The following CHSY1 variants were observed in gnomAD, a reference collection of about 807,000 sequenced individuals.
The protein encoded by CHSY1 is N-acetylgalactosaminyl-proteoglycan 3-beta-glucuronosyltransferase 1.
A neutral mutation model predicts 59.8 loss-of-function variants in CHSY1; 13 were observed. The ratio of observed to expected loss-of-function variants is 0.22; its 90% CI spans 0.14 to 0.35. The LOEUF is 0.35. CHSY1 is among the 10% of genes least tolerant of loss of function. The pLI, the probability that CHSY1 is intolerant of heterozygous loss-of-function variation, is 1.00. For missense variants in CHSY1, 947 were observed against 1,030.6 expected, an observed-to-expected ratio of 0.92 and a Z score of 1.11; for synonymous variants, 459 against 401.2, an observed-to-expected ratio of 1.14 and a Z score of -1.72.
At chr15:101,203,538 A>T (rs1247653021) in intron 2 of CHSY1, among the ~76,000 whole-genome samples, 3 of 152,236 alleles carry the variant, frequency 2.0e-5, no homozygotes, top group African/African-American at 7.2e-5. Context: ...TCAAGTAAAA[A>T]TTAGTGGATG....
At chr15:101,238,981 C>T (rs1270015172) in intron 1 of CHSY1, among the ~76,000 whole-genome samples, 1 of 152,132 alleles carries the variant, frequency 6.6e-6, no homozygotes, top group Admixed American at 6.5e-5. Context: ...TCTTCTGATG[C>T]GGTGACATAT....
chr15:101,211,206 C>T (rs1181971670), intron 2 of CHSY1, among the ~76,000 whole-genome samples: 1 of 152,158 alleles, frequency 6.6e-6, no homozygotes, highest in Non-Finnish European at 1.5e-5. Context: ...CACCTCTAAT[C>T]CCAGCTACCT....
intron 2 of CHSY1, among the ~76,000 whole-genome samples, chr15:101,204,421 C>A (rs901631721): frequency 7.1e-6 from 1 of 141,360 alleles, no homozygotes; most frequent in Non-Finnish European, 1.5e-5. Context: ...GCAGTAAGAG[C>A]GAAACTCCAT....
At position 101,177,634 on chromosome 15, in the gene CHSY1, C is replaced by G; in HGVS notation, c.2163G>C (p.Val721=). 1 of 1,614,174 alleles carries G rather than the reference C, an allele frequency of 6.2e-7. No individual in the cohort carries two copies. Among genetic ancestry groups the G allele is most frequent in the South Asian group, 1.1e-5 (1 of 91,082 alleles). Residue 721 remains valine, a synonymous_variant, in exon 3 of 3, where the codon GTG becomes GTC. Transcript: ENST00000254190. ...VSIQGWGLED[V]DLFNKVVQAG... ...CCTGGACAACCTTGTTGAAAAGGTC[C>G]ACATCCTCCAGCCCCCAGCCTTGGA...
Position 101,238,571 on chromosome 15 carries a change from A to C in CHSY1, c.321-2994T>G, listed in dbSNP as rs377740293. Among the ~76,000 whole-genome samples, 49 of 152,330 alleles carry C rather than the reference A, an allele frequency of 3.2e-4. No individual in the cohort carries two copies. In the East Asian group the frequency reaches 7.9e-3, roughly 25 times the overall value. ...ATCAACAAATTTAAAAAATACTGCC[A>C]ATCATAATCCCATGACGCCGGTAAC... On this transcript the variant is annotated intron_variant, in intron 1 of 2. Transcript: ENST00000254190.
chr15:101,176,522 G>A lies in CHSY1; in HGVS notation c.*866C>T, dbSNP rs74040363. 3.8e-3 allele frequency: 1,504 copies of A among 397,454 alleles called. 21 individuals are homozygous for A. Among genetic ancestry groups the A allele is most frequent in the African/African-American group, 0.028 (1,361 of 48,714 alleles). 24.6% of individuals were successfully genotyped at this position (397,454 alleles called of 1,614,324 possible). A position where few individuals can be genotyped will look rare whatever the true frequency, so the allele number is the denominator to read the frequency against. On this transcript the variant is annotated 3_prime_UTR_variant, in exon 3 of 3. Transcript: ENST00000254190. ...ATTTAATGCCAGGTCTATTTAGGCC[G>A]AATGAACTACCACGAGAACAGCCAC...
At chr15:101,244,160 T>C (rs1333217014) in intron 1 of CHSY1, among the ~76,000 whole-genome samples, 1 of 152,200 alleles carries the variant, frequency 6.6e-6, no homozygotes, top group African/African-American at 2.4e-5. Context: ...AAACTGTAGC[T>C]AGGTTTTCTT....
intron 2 of CHSY1, among the ~76,000 whole-genome samples, chr15:101,183,982 T>C (rs2038317093): frequency 6.6e-6 from 1 of 152,244 alleles, no homozygotes; most frequent in Non-Finnish European, 1.5e-5. Context: ...AGAGAAAATA[T>C]ATACTACTCT....
chr15:101,222,910 G>C (rs1567101458), intron 2 of CHSY1, among the ~76,000 whole-genome samples: 2 of 152,162 alleles, frequency 1.3e-5, no homozygotes, highest in African/African-American at 4.8e-5. Flanking sequence ...GTCAAGAGGA[G>C]GGAAATTAAG....
intron 2 of CHSY1, among the ~76,000 whole-genome samples, chr15:101,184,252 A>C (rs1282339789): frequency 6.6e-6 from 1 of 152,252 alleles, no homozygotes; most frequent in Non-Finnish European, 1.5e-5. Flanking sequence ...AACATGGAGA[A>C]AAGTATTGAC....
chr15:101,218,674 G>T (rs552648639), intron 2 of CHSY1, among the ~76,000 whole-genome samples: 6 of 152,246 alleles, frequency 3.9e-5, no homozygotes, highest in Non-Finnish European at 5.9e-5. Context: ...GCTGAGGTGG[G>T]AGATTGTTTG....
At chr15:101,245,347 T>C (rs1277737846) in intron 1 of CHSY1, among the ~76,000 whole-genome samples, 1 of 151,080 alleles carries the variant, frequency 6.6e-6, no homozygotes, top group Non-Finnish European at 1.5e-5. Context: ...CCTCTTCATC[T>C]TCCAAGACTC....
chr15:101,234,585 A>G (rs1228103314), intron 2 of CHSY1, among the ~76,000 whole-genome samples: 5 of 152,232 alleles, frequency 3.3e-5, no homozygotes, highest in Non-Finnish European at 1.5e-5. Flanking sequence ...AAAGTATGGA[A>G]GAGCCGGGCG....
chr15:101,176,353 C>G lies in CHSY1; in HGVS notation c.*1035G>C, dbSNP rs1485553713. The stretch of plus-strand genomic sequence containing the variant: ...CAAAACCAAATACATTTTTCCCCAA[C>G]GTTTTGATTAGGGTGTATGTGTGTA... On this transcript the variant is annotated 3_prime_UTR_variant, in exon 3 of 3. Transcript: ENST00000254190. 1 of 398,436 alleles carries G rather than the reference C, an allele frequency of 2.5e-6. No homozygotes were observed. Among genetic ancestry groups the G allele is most frequent in the African/African-American group, 2.1e-5 (1 of 48,612 alleles). 24.7% of individuals were successfully genotyped at this position (398,436 alleles called of 1,614,324 possible). A position where few individuals can be genotyped will look rare whatever the true frequency, so the allele number is the denominator to read the frequency against.
chr15:101,237,235 A>AC (rs1254225303), intron 1 of CHSY1, among the ~76,000 whole-genome samples: 1 of 151,190 alleles, frequency 6.6e-6, no homozygotes, highest in Non-Finnish European at 1.5e-5. Context: ...AAAAAAAAAA[A>AC]AAAAAAAAAA....
Position 101,178,568 on chromosome 15 carries a change from A to T in CHSY1, c.1229T>A (p.Met410Lys). The stretch of plus-strand genomic sequence containing the variant: ...GGCATTGATCATCTCCATGACCTGC[A>T]TGACAATGTCGTCCAAGGCTTCCCT... The part of the protein sequence containing the change: ...AQREALDDIV[M>K]QVMEMINANA... The change falls in exon 3 of 3, where the codon ATG becomes AAG. Residue 410 changes from methionine to lysine, a missense_variant. Met to Lys is a moderately conservative substitution (Grantham distance 95). Around this residue, in one of 4 missense-constraint regions of CHSY1, gnomAD observed 602 missense variants for 676.9 expected, o/e 0.89. Transcript: ENST00000254190. The T allele has an allele frequency of 6.2e-7, 1 of 1,614,212 alleles. No individual in the cohort carries two copies. Among genetic ancestry groups the T allele is most frequent in the South Asian group, 1.1e-5 (1 of 91,082 alleles).
chr15:101,249,214 G>A (rs961652819), intron 1 of CHSY1, among the ~76,000 whole-genome samples: 2 of 151,888 alleles, frequency 1.3e-5, no homozygotes, highest in Non-Finnish European at 2.9e-5. Flanking sequence ...GGGAGATAAG[G>A]GAGTTACCTA....
At chr15:101,245,898 T>A (rs1243789812) in intron 1 of CHSY1, among the ~76,000 whole-genome samples, 1 of 152,238 alleles carries the variant, frequency 6.6e-6, no homozygotes, top group African/African-American at 2.4e-5. Flanking sequence ...GTTTGCCAAG[T>A]TGAATTCTAT....
At chr15:101,202,603 A>G (rs1339977564) in intron 2 of CHSY1, among the ~76,000 whole-genome samples, 243 of 121,338 alleles carry the variant, frequency 2.0e-3, no homozygotes, top group Middle Eastern at 5.1e-3. Flanking sequence ...TTTCTGCAGG[A>G]GGGGCAGTGG....
Sources: gnomAD v4.1 joint callset for allele counts (sites outside exome capture counted in the v4.1 genomes callset) on GRCh38, gnomAD v4.1.1 for gene constraint, gnomAD v4.1.1 regional missense constraint, MANE v1.5 for transcripts, NCBI Gene and HGNC (gene_info 2026-07-23, HGNC 2026-07-21) for gene names.